VPS8: variants seen among roughly 807,000 people sequenced by gnomAD.
The protein encoded by VPS8 is VPS8 subunit of CORVET complex, also known as vacuolar protein sorting-associated protein 8 homolog.
In VPS8, 129 loss-of-function variants were observed where a neutral mutation model predicts 216.4. The observed-to-expected ratio is 0.60, with a 90% confidence interval of 0.52 to 0.69. The LOEUF is 0.69. Ranked by LOEUF, VPS8 falls within the 30% of genes least tolerant of loss-of-function variation. The probability of loss-of-function intolerance (pLI) is 0.00; values close to 1 mark genes in which losing one functional copy is unlikely to be tolerated. For synonymous variants in VPS8, 571 were observed against 565.4 expected (o/e 1.01, Z -0.14); for missense variants, 1,531 against 1,683.5 (o/e 0.91, Z 1.59).
intron 45 of VPS8, among the ~76,000 whole-genome samples, chr3:185,003,077 G>A (rs113432420): frequency 0.012 from 1,892 of 151,468 alleles, 18 homozygotes; most frequent in Non-Finnish European, 0.02. Flanking sequence ...CAGTGTAAAA[G>A]TGTTGCCTTT....
chr3:184,955,664 C>G (rs1237727229), intron 36 of VPS8, among the ~76,000 whole-genome samples: 1 of 152,088 alleles, frequency 6.6e-6, no homozygotes, highest in East Asian at 1.9e-4. Context: ...GGGAGAACAC[C>G]TGCTAAGCCC....
intron 35 of VPS8, among the ~76,000 whole-genome samples, chr3:184,938,748 C>T (rs550609673): frequency 6.7e-6 from 1 of 148,830 alleles, no homozygotes; most frequent in East Asian, 2.0e-4. Context: ...AAAGTATGGG[C>T]GGGGCACAGT....
intron 45 of VPS8, among the ~76,000 whole-genome samples, chr3:185,010,960 T>C: frequency 6.6e-6 from 1 of 152,020 alleles, no homozygotes; most frequent in African/African-American, 2.4e-5. Flanking sequence ...GATTGTTCCA[T>C]GGGACTCCAG....
rs541522461 is a variant in VPS8, at chr3:184,922,707, G to A, written c.2455-2155G>A. Among the ~76,000 whole-genome samples the A allele has an allele frequency of 1.5e-4, 23 of 152,268 alleles. No homozygotes were observed. In the East Asian group the frequency reaches 4.3e-3, roughly 28 times the overall value. On this transcript the variant is annotated intron_variant, in intron 29 of 47. Transcript: ENST00000625842. The stretch of plus-strand genomic sequence containing the variant: ...TGTGCTAATTGGTTAAAGTGTACTT[G>A]TGAGGGATCCGGTGAGAGGAGGAGT...
intron 45 of VPS8, among the ~76,000 whole-genome samples, chr3:185,015,020 G>A (rs1755591583): frequency 6.6e-6 from 1 of 152,220 alleles, no homozygotes; most frequent in African/African-American, 2.4e-5. Context: ...GAACATGTAT[G>A]ACATCCATTA....
rs139917174 is a variant in VPS8 at position 184,824,407 on chromosome 3, C to T, written c.-88-138C>T. On this transcript the variant is annotated intron_variant, in intron 1 of 47. Transcript: ENST00000625842. ...TCCTAATAACATACCCTGTACCCCA[C>T]TGTTAATTTCAGTTTGCCTGCAATC... The T allele has an allele frequency of 1.9e-3, 994 of 514,288 alleles. 1 individual carries two copies. Among genetic ancestry groups the T allele is most frequent in the Middle Eastern group, 0.012 (22 of 1,868 alleles). 31.9% of individuals were successfully genotyped at this position (514,288 alleles called of 1,614,324 possible).
At chr3:184,857,371 T>G (rs1396044510) in intron 14 of VPS8, among the ~76,000 whole-genome samples, 3 of 152,266 alleles carry the variant, frequency 2.0e-5, no homozygotes, top group Admixed American at 6.5e-5. Flanking sequence ...GAAATATTCC[T>G]TAATCATTTT....
intron 40 of VPS8, among the ~76,000 whole-genome samples, chr3:184,976,454 A>G (rs988189923): frequency 5.3e-5 from 8 of 151,634 alleles, no homozygotes; most frequent in African/African-American, 1.9e-4. Context: ...CAGACAGTAC[A>G]TGACTTTTTG....
intron 40 of VPS8, among the ~76,000 whole-genome samples, chr3:184,981,385 G>A (rs1750168635): frequency 6.6e-6 from 1 of 151,910 alleles, no homozygotes; most frequent in Admixed American, 6.6e-5. Flanking sequence ...ACCAGCAGAG[G>A]TGGGGTGGCA....
At chr3:184,913,409 C>G in intron 25 of VPS8, 110 bp from the exon 26 acceptor site, 1 of 902,184 alleles carries the variant, frequency 1.1e-6, no homozygotes, top group Non-Finnish European at 1.7e-6. Flanking sequence ...TGGGAATATA[C>G]TTACCTCACC....
At chr3:184,979,011 T>C (rs910401962) in intron 40 of VPS8, among the ~76,000 whole-genome samples, 1 of 152,224 alleles carries the variant, frequency 6.6e-6, no homozygotes, top group Non-Finnish European at 1.5e-5. Flanking sequence ...TTTGTTTTCA[T>C]TGGTTTCAAA....
chr3:185,018,792 C>T (rs1287564399), intron 45 of VPS8, among the ~76,000 whole-genome samples: 1 of 152,150 alleles, frequency 6.6e-6, no homozygotes. Context: ...CAGGGAACTG[C>T]CAAGCCTCTA....
chr3:184,830,452 G>C (rs1228918207), intron 3 of VPS8, among the ~76,000 whole-genome samples: 1 of 140,998 alleles, frequency 7.1e-6, no homozygotes, highest in Non-Finnish European at 1.5e-5. Context: ...TAGTTTATCA[G>C]TTCACACACA....
chr3:184,956,528 G>A lies in VPS8; in HGVS notation c.3036-846G>A, dbSNP rs1745631951. Among the ~76,000 whole-genome samples, 4 of 152,186 alleles carry A rather than the reference G, an allele frequency of 2.6e-5. No individual in the cohort carries two copies. In the South Asian group the frequency reaches 6.2e-4, roughly 24 times the overall value. ...ATTCCAGTTATTTATATAATAATGA[G>A]CTTTAGTTGAGGAATTCCGAAGAGA... On this transcript the variant is annotated intron_variant, in intron 36 of 47. Transcript: ENST00000625842.
chr3:184,908,906 G>A (rs992282959), intron 25 of VPS8, among the ~76,000 whole-genome samples: 5 of 152,238 alleles, frequency 3.3e-5, no homozygotes, highest in African/African-American at 1.2e-4. Flanking sequence ...ATTGGAAAAG[G>A]CAACATTCGA....
intron 40 of VPS8, among the ~76,000 whole-genome samples, chr3:184,982,239 C>G (rs1354288879): frequency 6.6e-6 from 1 of 152,098 alleles, no homozygotes; most frequent in Non-Finnish European, 1.5e-5. Flanking sequence ...GCAGGAAGCT[C>G]TTTCCTGGCT....
At chr3:184,936,901 C>T (rs1741754773) in intron 35 of VPS8, among the ~76,000 whole-genome samples, 1 of 151,976 alleles carries the variant, frequency 6.6e-6, no homozygotes, top group Non-Finnish European at 1.5e-5. Flanking sequence ...CCATGCCTGG[C>T]TAATTTTTTT....
chr3:184,856,210 A>G (rs1725226030), intron 14 of VPS8, among the ~76,000 whole-genome samples: 1 of 152,244 alleles, frequency 6.6e-6, no homozygotes, highest in South Asian at 2.1e-4. Context: ...GAAGTATACA[A>G]CATAATTTCA....
intron 46 of VPS8, among the ~76,000 whole-genome samples, chr3:185,046,936 T>C (rs1713054094): frequency 6.6e-6 from 1 of 152,136 alleles, no homozygotes; most frequent in East Asian, 1.9e-4. Context: ...ATCCCTTCAT[T>C]TGATCAGCAG....
Sources: allele counts gnomAD v4.1 joint callset (sites outside exome capture counted in the v4.1 genomes callset), GRCh38; gene constraint gnomAD v4.1.1; transcripts MANE v1.5; gene names NCBI Gene and HGNC (gene_info 2026-07-23, HGNC 2026-07-21).